The following AGBL4 variants were observed in gnomAD, a reference collection of about 807,000 sequenced individuals.
AGBL4 encodes cytosolic carboxypeptidase 6.
In AGBL4, 58 loss-of-function variants were observed where a neutral mutation model predicts 66.4. That is an observed-to-expected ratio of 0.87 (90% CI 0.71 to 1.09). The LOEUF (loss-of-function observed/expected upper bound fraction) is 1.09, where lower values mean the gene tolerates loss of function less well. AGBL4 is among the 50% of genes least tolerant of loss of function. The pLI is 0.00. For missense variants in AGBL4, 579 were observed against 631.0 expected (o/e 0.92, Z 0.88); for synonymous variants, 234 against 222.9 (o/e 1.05, Z -0.44).
intron 4 of AGBL4, among the ~76,000 whole-genome samples, chr1:49,208,588 C>T (rs565912416): frequency 6.6e-6 from 1 of 152,200 alleles, no homozygotes; most frequent in African/African-American, 2.4e-5. Flanking sequence ...AAGATGCATT[C>T]TTGGTTGTTG....
At chr1:49,728,367 C>T (rs1649184642) in intron 2 of AGBL4, among the ~76,000 whole-genome samples, 1 of 152,118 alleles carries the variant, frequency 6.6e-6, no homozygotes, top group Non-Finnish European at 1.5e-5. Context: ...GAGAAATAGA[C>T]CTTGAGGGTC....
chr1:49,516,689 C>T (rs895306198), intron 3 of AGBL4, among the ~76,000 whole-genome samples: 2 of 151,966 alleles, frequency 1.3e-5, no homozygotes, highest in Non-Finnish European at 2.9e-5. Context: ...TATAAAGATT[C>T]TTCTGACATG....
chr1:49,207,462 TTCTTTC>T (rs1236053982), intron 4 of AGBL4, among the ~76,000 whole-genome samples: 1 of 2,752 alleles, frequency 3.6e-4, no homozygotes, highest in African/African-American at 6.7e-4. Context: ...TTCTTTTTCT[TTCTTTC>T]TCTTTCTTTC....
At chr1:49,954,400 G>C (rs1656417882) in intron 1 of AGBL4, among the ~76,000 whole-genome samples, 1 of 151,936 alleles carries the variant, frequency 6.6e-6, no homozygotes, top group Non-Finnish European at 1.5e-5. Context: ...TATCATGGGA[G>C]CAGGCTCCTT....
chr1:49,391,570 T>G (rs999208436), intron 3 of AGBL4, among the ~76,000 whole-genome samples: 12 of 149,620 alleles, frequency 8.0e-5, no homozygotes, highest in African/African-American at 2.5e-4. Context: ...TTTGTTTTTT[T>G]TTTTTTTTGG....
At chr1:49,386,879 C>T (rs1644747026) in intron 3 of AGBL4, among the ~76,000 whole-genome samples, 1 of 151,782 alleles carries the variant, frequency 6.6e-6, no homozygotes, top group Non-Finnish European at 1.5e-5. Flanking sequence ...GGTTTATTAA[C>T]CTTTTTAAAT....
intron 5 of AGBL4, among the ~76,000 whole-genome samples, chr1:48,896,016 T>C (rs2148862620): frequency 1.3e-5 from 2 of 152,304 alleles, no homozygotes; most frequent in South Asian, 4.1e-4. Context: ...CAGGTTGCCA[T>C]TCAAAAATGG....
chr1:49,084,058 A>G (rs554582923), intron 4 of AGBL4, among the ~76,000 whole-genome samples: 27 of 150,108 alleles, frequency 1.8e-4, no homozygotes, highest in African/African-American at 6.1e-4. Flanking sequence ...CTCAGCCTGG[A>G]CCTCATTGTC....
At chr1:49,308,135 C>G (rs984874965) in intron 3 of AGBL4, among the ~76,000 whole-genome samples, 1 of 152,136 alleles carries the variant, frequency 6.6e-6, no homozygotes, top group Non-Finnish European at 1.5e-5. Context: ...GAGGCCTCCC[C>G]AGAAGCAGAT....
At chr1:49,423,188 T>G (rs1246575828) in intron 3 of AGBL4, 1 of 152,208 alleles carries the variant, frequency 6.6e-6, no homozygotes, top group Admixed American at 6.5e-5. Context: ...GTTTGGGGGT[T>G]GTTTGTTGTA....
chr1:49,078,091 C>T (rs1300995179), intron 4 of AGBL4, among the ~76,000 whole-genome samples: 1 of 152,002 alleles, frequency 6.6e-6, no homozygotes, highest in East Asian at 1.9e-4. Context: ...GACTCTAAAC[C>T]TGAGCAGATA....
Position 48,533,141 on chromosome 1 carries a change from T to A in AGBL4, c.*1032A>T, listed in dbSNP as rs563118202. ...CTCCCTTCCTCTCCCTGTGTTCTAA[T>A]CCTCATTTCCGGGAGGTCATTTTAA... On this transcript the variant is annotated 3_prime_UTR_variant, in exon 14 of 14. Transcript: ENST00000371839. The A allele has an allele frequency of 6.6e-6, 1 of 152,204 alleles. No homozygotes were observed. Among genetic ancestry groups the A allele is most frequent in the Non-Finnish European group, 1.5e-5 (1 of 68,058 alleles). The allele number at this position is 152,204 out of a possible 1,614,324, so 9.4% of individuals were successfully genotyped here. A position where few individuals can be genotyped will look rare whatever the true frequency, so the allele number is the denominator to read the frequency against.
At chr1:49,162,899 T>C (rs1164255514) in intron 4 of AGBL4, among the ~76,000 whole-genome samples, 1 of 152,200 alleles carries the variant, frequency 6.6e-6, no homozygotes, top group East Asian at 1.9e-4. Flanking sequence ...TTCTTTGTTG[T>C]TTTGCTTGAT....
chr1:48,903,084 G>A (rs189192363), intron 5 of AGBL4, among the ~76,000 whole-genome samples: 52 of 152,272 alleles, frequency 3.4e-4, no homozygotes, highest in Admixed American at 2.5e-3. Flanking sequence ...GTCATCCGGT[G>A]CTCAAGGCTT....
At chr1:48,880,512 T>A (rs920675946) in intron 5 of AGBL4, among the ~76,000 whole-genome samples, 3 of 152,222 alleles carry the variant, frequency 2.0e-5, no homozygotes, top group South Asian at 2.1e-4. Flanking sequence ...AAATGGTAGA[T>A]CTACCTTTAC....
intron 3 of AGBL4, among the ~76,000 whole-genome samples, chr1:49,550,304 C>T (rs1053344738): frequency 7.9e-5 from 12 of 152,072 alleles, no homozygotes; most frequent in South Asian, 2.1e-4. Context: ...TATGAGGTAC[C>T]GTTACATTCA....
intron 9 of AGBL4, among the ~76,000 whole-genome samples, chr1:48,627,597 A>AC (rs1301093473): frequency 1.3e-5 from 2 of 152,058 alleles, no homozygotes; most frequent in African/African-American, 4.8e-5. Flanking sequence ...AAAGAAAAAA[A>AC]AAAAGCCAGC....
At chr1:50,000,240 C>T (rs1350541359) in intron 1 of AGBL4, among the ~76,000 whole-genome samples, 1 of 151,936 alleles carries the variant, frequency 6.6e-6, no homozygotes, top group African/African-American at 2.4e-5. Flanking sequence ...ACAAACAACC[C>T]CATCAAAAAG....
intron 3 of AGBL4, among the ~76,000 whole-genome samples, chr1:49,546,301 G>A (rs1205190039): frequency 1.3e-5 from 2 of 150,316 alleles, no homozygotes; most frequent in African/African-American, 4.9e-5. Context: ...ATATGTATAT[G>A]TATTTATATA....
Sources: gnomAD v4.1 joint callset for allele counts (sites outside exome capture counted in the v4.1 genomes callset) on GRCh38, gnomAD v4.1.1 for gene constraint, MANE v1.5 for transcripts, NCBI Gene and HGNC (gene_info 2026-07-23, HGNC 2026-07-21) for gene names.